PTPRU: variants seen among roughly 807,000 people sequenced by gnomAD.
PTPRU encodes the protein protein tyrosine phosphatase receptor type U, also known as receptor-type tyrosine-protein phosphatase U.
Under a neutral mutation model 166.3 loss-of-function variants are expected in PTPRU, and 69 were observed. The observed-to-expected ratio is 0.41, with a 90% CI of 0.34 to 0.51. PTPRU has a LOEUF of 0.51. Among genes scored for constraint, PTPRU ranks in the 20% least tolerant of loss-of-function variants. The pLI is 0.09. For missense variants in PTPRU, 1,657 were observed against 2,013.7 expected, an observed-to-expected ratio of 0.82 and a Z score of 3.39; for synonymous variants, 793 against 814.0, an observed-to-expected ratio of 0.97 and a Z score of 0.44.
chr1:29,249,442 C>T (rs1684450167), intron 1 of PTPRU, among the ~76,000 whole-genome samples: 1 of 152,216 alleles, frequency 6.6e-6, no homozygotes, highest in Non-Finnish European at 1.5e-5. Context: ...CTGGGGGAGC[C>T]CTTGGGGGTC....
intron 26 of PTPRU, 34 bp from the exon 27 acceptor site, chr1:29,323,337 T>C: frequency 6.3e-7 from 1 of 1,597,182 alleles, no homozygotes. Context: ...GGCCAGGCTC[T>C]ACTCAGCTCT....
rs1684928471 is a variant in PTPRU at position 29,259,455 on chromosome 1, C to T, written c.566C>T (p.Ala189Val). 6.2e-7 allele frequency: 1 copy of T among 1,611,354 alleles called. No homozygotes were observed. Among genetic ancestry groups the T allele is most frequent in the East Asian group, 2.2e-5 (1 of 44,812 alleles). Residue 189 changes from alanine (A) to valine (V), a missense_variant, in exon 5 of 30, where the codon GCC becomes GTC. Around this residue, in one of 3 missense-constraint regions of PTPRU, gnomAD observed 453 missense variants for 496.9 expected, o/e 0.91. Coordinates refer to ENST00000373779, the MANE Select transcript of PTPRU (RefSeq NM_133178.4). ...ILLLSYPCAK[A>V]PHFSRLGDVE... ...TGCAGCTCTAACCCCGCAGCAAAGG[C>T]CCCACACTTCTCCCGCCTGGGCGAC...
In PTPRU at chr1:29,323,449, G is replaced by A. The variant is rs745808043; in HGVS notation, c.3907G>A (p.Asp1303Asn). Residue 1303 changes from aspartate to asparagine, a missense_variant, in exon 27 of 30, where the codon GAT becomes AAT. Physicochemically the swap from Asp to Asn is conservative, Grantham distance 23. Transcript: ENST00000373779. ...GGTGGAGTTTATGTCGGGCACAGCTGATGAAGACTTAGTGGCTCGAGTCTT... is the reference window on the plus strand; with the variant it reads ...GGTGGAGTTTATGTCGGGCACAGCTAATGAAGACTTAGTGGCTCGAGTCTT... ...MEVEFMSGTA[D>N]EDLVARVFRV... 1 of 1,609,822 alleles carries A rather than the reference G, an allele frequency of 6.2e-7. No homozygotes were observed. Among genetic ancestry groups the A allele is most frequent in the South Asian group, 1.1e-5 (1 of 90,190 alleles).
At chr1:29,308,733 A>C (rs578011109) in intron 18 of PTPRU, among the ~76,000 whole-genome samples, 2 of 151,894 alleles carry the variant, frequency 1.3e-5, no homozygotes, top group African/African-American at 2.4e-5. Flanking sequence ...TTTAAAAAAT[A>C]TATTTCTTGG....
chr1:29,246,710 G>T (rs1191929072), intron 1 of PTPRU, among the ~76,000 whole-genome samples: 1 of 151,996 alleles, frequency 6.6e-6, no homozygotes, highest in African/African-American at 2.4e-5. Flanking sequence ...CCGCCCCCTG[G>T]GTTCAAGTGA....
intron 7 of PTPRU, among the ~76,000 whole-genome samples, chr1:29,275,106 A>G (rs1432774790): frequency 1.3e-5 from 2 of 151,588 alleles, no homozygotes; most frequent in Admixed American, 1.3e-4. Context: ...AGCCATTGTC[A>G]TGCATCCTTT....
At chr1:29,256,307 C>A (rs1684768800) in intron 2 of PTPRU, among the ~76,000 whole-genome samples, 1 of 152,118 alleles carries the variant, frequency 6.6e-6, no homozygotes, top group Non-Finnish European at 1.5e-5. Context: ...AAATAAAGGC[C>A]AAATTGTCAA....
intron 1 of PTPRU, among the ~76,000 whole-genome samples, chr1:29,239,804 T>A (rs1361731747): frequency 1.3e-5 from 2 of 151,910 alleles, no homozygotes; most frequent in Admixed American, 6.6e-5. Flanking sequence ...ATCTTTCACC[T>A]GCAGGAAGAC....
At chr1:29,259,165 G>A in intron 3 of PTPRU, 96 bp from the exon 4 acceptor site, 2 of 1,302,346 alleles carry the variant, frequency 1.5e-6, no homozygotes, top group Non-Finnish European at 2.2e-6. Flanking sequence ...TCTGCTAGTT[G>A]AGGCAGAGGA....
intron 1 of PTPRU, among the ~76,000 whole-genome samples, chr1:29,248,987 C>G (rs539643934): frequency 5.3e-5 from 8 of 152,342 alleles, no homozygotes; most frequent in Admixed American, 2.6e-4. Context: ...TCCCCACTCT[C>G]ATTTTACAGG....
intron 29 of PTPRU, 85 bp downstream of exon 29, chr1:29,325,411 C>G: frequency 6.5e-7 from 1 of 1,545,508 alleles, no homozygotes; most frequent in Non-Finnish European, 8.9e-7. Context: ...TCTCCCATAT[C>G]TGGGCCCCAC....
intron 1 of PTPRU, among the ~76,000 whole-genome samples, chr1:29,240,029 C>G (rs1683969556): frequency 1.3e-5 from 2 of 152,166 alleles, no homozygotes; most frequent in African/African-American, 4.8e-5. Flanking sequence ...TCTGGCCAGC[C>G]TGACCTTCTT....
At position 29,237,243 on chromosome 1, in the gene PTPRU, T is replaced by C. The variant is rs1179792068; in HGVS notation, c.73+526T>C. 2.7e-5 allele frequency among the ~76,000 whole-genome samples: 4 copies of C among 150,712 alleles called. No individual in the cohort carries two copies. Among genetic ancestry groups the C allele is most frequent in the Non-Finnish European group, 5.9e-5 (4 of 67,620 alleles). The stretch of plus-strand genomic sequence containing the variant: ...GAACGCGTGTGTGGCGTGTGTGCTT[T>C]TGAGATCCGTGTACATGTGTGAAGG... On this transcript the variant is annotated intron_variant, in intron 1 of 29. Coordinates refer to ENST00000373779, the MANE Select transcript of PTPRU (RefSeq NM_133178.4). The surrounding 1 kb of genome is among the most constrained non-coding windows in gnomAD (Gnocchi z 6.4).
At position 29,236,758 on chromosome 1, in the gene PTPRU, C is replaced by G. The variant is rs945150290; in HGVS notation, c.73+41C>G. 7.2e-7 allele frequency: 1 copy of G among 1,383,244 alleles called. No homozygotes were observed. The highest frequency in any genetic ancestry group is 1.5e-5 in the African/African-American group (1 of 66,604). The allele number at this position is 1,383,244 out of a possible 1,614,324, so 85.7% of individuals were successfully genotyped here. A position where few individuals can be genotyped will look rare whatever the true frequency, so the allele number is the denominator to read the frequency against. On this transcript the variant is annotated intron_variant, in intron 1 of 29. Coordinates refer to ENST00000373779, the MANE Select transcript of PTPRU (RefSeq NM_133178.4). This position sits in a 1 kb window ranked among gnomAD's most constrained non-coding sequence, Gnocchi z 4.6. ...CCGGACCGAGCCTGCCCCGCCGAGC[C>G]TCGGGGCCCGTGGCGTAGCTCGGAA... is the stretch of plus-strand genomic sequence containing the variant.
chr1:29,288,916 C>A (rs535048422), intron 14 of PTPRU, among the ~76,000 whole-genome samples: 161 of 152,300 alleles, frequency 1.1e-3, no homozygotes, highest in African/African-American at 3.3e-3. Flanking sequence ...TAAGGTAGGG[C>A]TCTTGATGGA....
intron 15 of PTPRU, among the ~76,000 whole-genome samples, chr1:29,295,971 A>G (rs749049069): frequency 6.6e-6 from 1 of 152,136 alleles, no homozygotes; most frequent in Non-Finnish European, 1.5e-5. Flanking sequence ...GATTACAGGC[A>G]TGAGCCACCG....
intron 1 of PTPRU, among the ~76,000 whole-genome samples, chr1:29,245,208 C>T (rs1684238391): frequency 6.6e-6 from 1 of 152,214 alleles, no homozygotes; most frequent in Non-Finnish European, 1.5e-5. Context: ...TGGGATTCTG[C>T]TCAGTTATAA....
chr1:29,249,283 C>T (rs1240519116), intron 1 of PTPRU, among the ~76,000 whole-genome samples: 1 of 152,246 alleles, frequency 6.6e-6, no homozygotes, highest in East Asian at 1.9e-4. Context: ...GGCAGCTCTG[C>T]CCCTTACATC....
At chr1:29,287,593 GTTT>G (rs34816026) in intron 14 of PTPRU, among the ~76,000 whole-genome samples, 1 of 129,912 alleles carries the variant, frequency 7.7e-6, no homozygotes. Context: ...GTGTATGTAT[GTTT>G]TTTTTTTTTT....
Sources: allele counts gnomAD v4.1 joint callset (sites outside exome capture counted in the v4.1 genomes callset), GRCh38; gene constraint gnomAD v4.1.1; regional missense constraint gnomAD v4.1.1; non-coding constraint Gnocchi (gnomAD v3.1); transcripts MANE v1.5; gene names NCBI Gene and HGNC (gene_info 2026-07-23, HGNC 2026-07-21).